Variants in FBRSL1 observed in about 807,000 individuals in gnomAD.
FBRSL1 encodes fibrosin-1-like protein.
Under a neutral mutation model 89.6 loss-of-function variants are expected in FBRSL1, and 51 were observed. The observed-to-expected ratio is 0.57, with a 90% CI of 0.45 to 0.72. The LOEUF is 0.72. Among genes scored for constraint, FBRSL1 ranks in the 30% least tolerant of loss-of-function variants. The probability of loss-of-function intolerance (pLI) is 0.00; values close to 1 mark genes in which losing one functional copy is unlikely to be tolerated. For missense variants in FBRSL1, 1,618 were observed against 1,451.8 expected (o/e 1.11, Z -1.86); for synonymous variants, 779 against 681.1 (o/e 1.14, Z -2.24).
intron 4 of FBRSL1, among the ~76,000 whole-genome samples, chr12:132,542,666 C>T (rs2037361226): frequency 6.6e-6 from 1 of 152,204 alleles, no homozygotes; most frequent in Admixed American, 6.5e-5. Flanking sequence ...AATGCTGGGC[C>T]TAGACCCTCC....
intron 2 of FBRSL1, among the ~76,000 whole-genome samples, chr12:132,515,309 TCTC>T: frequency 6.6e-6 from 1 of 151,992 alleles, no homozygotes; most frequent in African/African-American, 2.4e-5. Flanking sequence ...TGACAGTCAT[TCTC>T]CTCTCCTCAC....
At chr12:132,561,229 G>T (rs2039095220) in intron 5 of FBRSL1, among the ~76,000 whole-genome samples, 1 of 152,232 alleles carries the variant, frequency 6.6e-6, no homozygotes, top group South Asian at 2.1e-4. Flanking sequence ...AAACTCGTCT[G>T]CTAAGTGTAG....
At chr12:132,582,801 G>C (rs1185622258) in intron 18 of FBRSL1, among the ~76,000 whole-genome samples, 170 bp from the exon 19 acceptor site, 1 of 152,122 alleles carries the variant, frequency 6.6e-6, no homozygotes, top group Admixed American at 6.5e-5. Flanking sequence ...CCAGCGGGGA[G>C]AGGACGCGTA....
intron 2 of FBRSL1, chr12:132,510,746 G>T: frequency 8.4e-7 from 1 of 1,194,492 alleles, no homozygotes; most frequent in Non-Finnish European, 1.0e-6. Flanking sequence ...GCGTCACAGT[G>T]CCCCCACCCG....
Position 132,574,154 on chromosome 12 carries a change from C to T in FBRSL1, c.1595C>T (p.Pro532Leu). Residue 532 changes from proline to leucine, a missense_variant, in exon 12 of 19, where the codon CCT becomes CTT. By Grantham distance (98) the Pro-to-Leu change is moderately conservative. Transcript: ENST00000680143. The part of the protein sequence containing the change: ...GAVHTLLQKA[P>L]GVSDPYRAVV... Reference sequence around the variant, plus strand: ...GTTCACACACTCCTGCAGAAAGCGCCTGGGGTAGGTGTTAGTGGGCGCCCG... The same window carrying T: ...GTTCACACACTCCTGCAGAAAGCGCTTGGGGTAGGTGTTAGTGGGCGCCCG... 7.1e-7 allele frequency: 1 copy of T among 1,418,094 alleles called. No homozygotes were observed. Among genetic ancestry groups the T allele is most frequent in the Non-Finnish European group, 9.2e-7 (1 of 1,091,184 alleles). 87.8% of individuals were successfully genotyped at this position (1,418,094 alleles called of 1,614,324 possible).
chr12:132,557,187 C>T (rs569112774), intron 5 of FBRSL1, among the ~76,000 whole-genome samples: 17 of 152,312 alleles, frequency 1.1e-4, no homozygotes, highest in African/African-American at 4.1e-4. Flanking sequence ...CGATGGCAGA[C>T]GCAGTTACAG....
At chr12:132,537,462 G>A (rs189264526) in intron 4 of FBRSL1, among the ~76,000 whole-genome samples, 11 of 152,304 alleles carry the variant, frequency 7.2e-5, no homozygotes, top group South Asian at 6.2e-4. Flanking sequence ...GTCCCAGGGC[G>A]TCGCAGTGCA....
rs776295522 is a variant in FBRSL1, at chr12:132,583,018, C to T, written c.2249C>T (p.Thr750Ile). 58 of 1,456,378 alleles carry T rather than the reference C, an allele frequency of 4.0e-5. No homozygotes were observed. The East Asian group carries it at 1.7e-3, about 43-fold the overall frequency. The allele number at this position is 1,456,378 out of a possible 1,614,324, so 90.2% of individuals were successfully genotyped here. Residue 750 changes from threonine to isoleucine, a missense_variant, in exon 19 of 19, where the codon ACC (threonine) becomes ATC (isoleucine). Thr to Ile is a moderately conservative substitution (Grantham distance 89, BLOSUM62 -1). Coordinates refer to ENST00000680143, the MANE Select transcript of FBRSL1 (RefSeq NM_001367871.1). ...TRLLSRASPATPAGHPVSGLL... is the reference protein window; with the variant it reads ...TRLLSRASPAIPAGHPVSGLL... ...CTGCTGAGCCGGGCCTCGCCCGCCA[C>T]CCCCGCTGGCCACCCCGTCAGCGGC...
intron 5 of FBRSL1, chr12:132,551,421 C>A (rs1317605841): frequency 1.1e-5 from 5 of 456,180 alleles, no homozygotes; most frequent in African/African-American, 6.0e-5. Flanking sequence ...CAGGGAACAG[C>A]CCTGCCCGCA....
chr12:132,527,029 CT>C (rs1566144868), intron 3 of FBRSL1, among the ~76,000 whole-genome samples: 1 of 152,166 alleles, frequency 6.6e-6, no homozygotes. Flanking sequence ...TGGGGGGCCC[CT>C]AGCTGCCCCT....
At chr12:132,526,761 C>A (rs1386047658) in intron 3 of FBRSL1, among the ~76,000 whole-genome samples, 1 of 152,166 alleles carries the variant, frequency 6.6e-6, no homozygotes, top group Non-Finnish European at 1.5e-5. Context: ...CATCTGCCCC[C>A]CACTCCTCAG....
chr12:132,494,327 C>T (rs1162096271), intron 1 of FBRSL1, among the ~76,000 whole-genome samples: 3 of 152,226 alleles, frequency 2.0e-5, no homozygotes, highest in Admixed American at 6.5e-5. Context: ...CTGGGGTCCT[C>T]CCAAGAAGAC....
chr12:132,520,680 T>C (rs368100954), intron 2 of FBRSL1, among the ~76,000 whole-genome samples: 1 of 152,210 alleles, frequency 6.6e-6, no homozygotes, highest in Non-Finnish European at 1.5e-5. Context: ...TGCAAGTCCC[T>C]GTGGCCTGGG....
At chr12:132,557,468 T>C (rs1001616861) in intron 5 of FBRSL1, among the ~76,000 whole-genome samples, 1 of 152,068 alleles carries the variant, frequency 6.6e-6, no homozygotes, top group African/African-American at 2.4e-5. Flanking sequence ...ACCCCCAAAC[T>C]GGGGCGCAGG....
At chr12:132,520,620 G>A (rs2035270774) in intron 2 of FBRSL1, among the ~76,000 whole-genome samples, 1 of 152,232 alleles carries the variant, frequency 6.6e-6, no homozygotes. Context: ...CCCCCAGGAG[G>A]TAGCAGCAGG....
intron 5 of FBRSL1, among the ~76,000 whole-genome samples, chr12:132,563,878 T>C (rs56246473): frequency 0.04 from 923 of 22,986 alleles, 43 homozygotes; most frequent in Middle Eastern, 0.048. Flanking sequence ...GTACACTCAC[T>C]CCCGTCGCCC....
intron 15 of FBRSL1, 61 bp from the exon 16 acceptor site, chr12:132,581,378 T>G: frequency 6.4e-7 from 1 of 1,550,524 alleles, no homozygotes; most frequent in Non-Finnish European, 8.7e-7. Flanking sequence ...TGAACAGAGC[T>G]GCAGATGGGA....
chr12:132,568,259 T>C (rs1054127047), intron 6 of FBRSL1, among the ~76,000 whole-genome samples: 2 of 152,270 alleles, frequency 1.3e-5, no homozygotes, highest in African/African-American at 4.8e-5. Flanking sequence ...GGTTTCCAGC[T>C]GGAACCACCC....
chr12:132,562,541 C>T (rs889159158), intron 5 of FBRSL1, among the ~76,000 whole-genome samples: 16 of 42,206 alleles, frequency 3.8e-4, no homozygotes, highest in African/African-American at 1.8e-3. Flanking sequence ...TGGTGTTTCA[C>T]CCTGCAGAAG....
Sources: allele counts gnomAD v4.1 joint callset (sites outside exome capture counted in the v4.1 genomes callset), GRCh38; gene constraint gnomAD v4.1.1; transcripts MANE v1.5; gene names NCBI Gene and HGNC (gene_info 2026-07-23, HGNC 2026-07-21).